The following RPS6KC1 variants were observed in gnomAD, a reference collection of about 807,000 sequenced individuals.
RPS6KC1 encodes ribosomal protein S6 kinase C1, also known as inactive ribosomal protein S6 kinase delta-1.
A neutral mutation model predicts 103.8 loss-of-function variants in RPS6KC1; 54 were observed. The ratio of observed to expected loss-of-function variants is 0.52; its 90% CI spans 0.42 to 0.65. The LOEUF (loss-of-function observed/expected upper bound fraction) is 0.65. RPS6KC1 is among the 30% of genes least tolerant of loss of function. The pLI is 0.00. For synonymous variants in RPS6KC1, 439 were observed against 438.7 expected, an observed-to-expected ratio of 1.00 and a Z score of -0.01; for missense variants, 1,151 against 1,253.8, an observed-to-expected ratio of 0.92 and a Z score of 1.24.
intron 8 of RPS6KC1, among the ~76,000 whole-genome samples, chr1:213,214,856 C>T (rs867356453): frequency 2.6e-4 from 39 of 152,078 alleles, no homozygotes; most frequent in Middle Eastern, 3.4e-3. Context: ...GAAAGGACGT[C>T]GACACCAAAA....
At chr1:213,378,855 A>G in the RPS6KC1 span, among the ~76,000 whole-genome samples, 2 of 152,156 alleles carry the variant, frequency 1.3e-5, no homozygotes, top group African/African-American at 4.8e-5. Flanking sequence ...GTCACCTGCC[A>G]TGTTCATTCT....
At chr1:213,458,908 G>A in the RPS6KC1 span, among the ~76,000 whole-genome samples, 9 of 151,734 alleles carry the variant, frequency 5.9e-5, no homozygotes, top group East Asian at 1.9e-4. Flanking sequence ...GATGGATTAC[G>A]TTTGATTTCC....
the RPS6KC1 span, among the ~76,000 whole-genome samples, chr1:213,811,821 G>C: frequency 6.6e-6 from 1 of 152,170 alleles, no homozygotes; most frequent in Non-Finnish European, 1.5e-5. Flanking sequence ...CTGCTCTGTA[G>C]GAAATGAGGA....
chr1:213,486,547 G>A, the RPS6KC1 span, among the ~76,000 whole-genome samples: 6 of 152,112 alleles, frequency 3.9e-5, no homozygotes, highest in Non-Finnish European at 5.9e-5. Flanking sequence ...GGTGATGTTT[G>A]AGTACTTTTG....
chr1:213,678,792 T>C, the RPS6KC1 span, among the ~76,000 whole-genome samples: 1 of 152,306 alleles, frequency 6.6e-6, no homozygotes, highest in East Asian at 1.9e-4. Context: ...TAATCTTTAC[T>C]TGGGAGTCAC....
intron 5 of RPS6KC1, 58 bp from the exon 6 acceptor site, chr1:213,129,469 T>A: frequency 6.7e-7 from 1 of 1,482,044 alleles, no homozygotes; most frequent in Non-Finnish European, 9.1e-7. Flanking sequence ...GCATGATTTG[T>A]ATTCGTTTGG....
intron 6 of RPS6KC1, among the ~76,000 whole-genome samples, chr1:213,151,783 A>AC (rs528454722): frequency 4.1e-4 from 37 of 90,064 alleles, no homozygotes; most frequent in East Asian, 7.1e-4. Flanking sequence ...CGGGGGGCTG[A>AC]CCCCCCCCAC....
the RPS6KC1 span, among the ~76,000 whole-genome samples, chr1:213,655,652 T>G: frequency 1.3e-5 from 2 of 152,168 alleles, no homozygotes; most frequent in Non-Finnish European, 2.9e-5. Context: ...TAACAGAAAC[T>G]AAAAGGTCTC....
chr1:213,799,485 C>T, the RPS6KC1 span, among the ~76,000 whole-genome samples: 4 of 152,070 alleles, frequency 2.6e-5, no homozygotes, highest in South Asian at 8.3e-4. Context: ...GGTCTTATTA[C>T]TAAACTATAT....
At chr1:213,586,103 T>G in the RPS6KC1 span, among the ~76,000 whole-genome samples, 1 of 152,100 alleles carries the variant, frequency 6.6e-6, no homozygotes, top group East Asian at 1.9e-4. Context: ...TGCATTTCCC[T>G]CCCCTCCCCT....
At chr1:213,703,051 C>G in the RPS6KC1 span, among the ~76,000 whole-genome samples, 1 of 151,850 alleles carries the variant, frequency 6.6e-6, no homozygotes, top group Admixed American at 6.6e-5. Flanking sequence ...AAGTGATTTT[C>G]TCTGGTGATA....
At chr1:213,490,443 G>T in the RPS6KC1 span, among the ~76,000 whole-genome samples, 1 of 152,152 alleles carries the variant, frequency 6.6e-6, no homozygotes, top group African/African-American at 2.4e-5. Context: ...AGTCTTTTCT[G>T]CTTCCCTCTT....
chr1:213,787,711 T>A, the RPS6KC1 span, among the ~76,000 whole-genome samples: 22,520 of 152,112 alleles, frequency 0.15, 2,106 homozygotes, highest in South Asian at 0.25. Context: ...AATACATTTG[T>A]AAAATTTTGT....
At chr1:213,276,814 T>C (rs551981217), downstream of RPS6KC1, among the ~76,000 whole-genome samples, 2 of 152,176 alleles carry the variant, frequency 1.3e-5, no homozygotes, top group Admixed American at 6.5e-5. Flanking sequence ...AAAAGGAGAG[T>C]TGAAGGTCCA....
At chr1:213,321,183 A>G in the RPS6KC1 span, among the ~76,000 whole-genome samples, 1 of 152,248 alleles carries the variant, frequency 6.6e-6, no homozygotes. Flanking sequence ...AGAGCCTTTC[A>G]GAGGGTGATG....
At chr1:213,285,685 C>T in the RPS6KC1 span, among the ~76,000 whole-genome samples, 2 of 152,044 alleles carry the variant, frequency 1.3e-5, no homozygotes, top group Non-Finnish European at 2.9e-5. Context: ...TTTACTGTGT[C>T]ATGTGGTGCT....
the RPS6KC1 span, among the ~76,000 whole-genome samples, chr1:213,453,631 G>A: frequency 6.6e-6 from 1 of 152,178 alleles, no homozygotes; most frequent in Non-Finnish European, 1.5e-5. Flanking sequence ...AGAGGCCGGA[G>A]GTTCAGGAGC....
At chr1:213,602,807 A>G in the RPS6KC1 span, among the ~76,000 whole-genome samples, 3 of 152,202 alleles carry the variant, frequency 2.0e-5, no homozygotes, top group East Asian at 1.9e-4. Context: ...GCTCCCTCGC[A>G]GCCTTAGAGT....
intron 4 of RPS6KC1, among the ~76,000 whole-genome samples, chr1:213,105,570 T>G (rs866757502): frequency 6.6e-6 from 1 of 152,174 alleles, no homozygotes; most frequent in Admixed American, 6.5e-5. Flanking sequence ...TGATGTTTTA[T>G]CTACTGAAGA....
Sources: allele counts gnomAD v4.1 joint callset (sites outside exome capture counted in the v4.1 genomes callset), GRCh38; gene constraint gnomAD v4.1.1; transcripts MANE v1.5; gene names NCBI Gene and HGNC (gene_info 2026-07-23, HGNC 2026-07-21).